TCEA3: variants seen among roughly 807,000 people sequenced by gnomAD.
TCEA3 encodes transcription elongation factor A3.
TCEA3 carries 36 observed loss-of-function variants against 44.0 expected under a neutral mutation model. The observed-to-expected ratio is 0.82, with a 90% CI of 0.63 to 1.08. The LOEUF is 1.08. TCEA3 is among the 50% of genes least tolerant of loss of function. The pLI, the probability that TCEA3 is intolerant of heterozygous loss-of-function variation, is 0.00. For synonymous variants in TCEA3, 162 were observed against 159.7 expected (o/e 1.01, Z -0.11); for missense variants, 392 against 441.2 (o/e 0.89, Z 1.00).
chr1:23,389,119 A>G (rs148898903), intron 8 of TCEA3, among the ~76,000 whole-genome samples: 105 of 152,318 alleles, frequency 6.9e-4, no homozygotes, highest in African/African-American at 2.5e-3. Flanking sequence ...AAAGCCATTT[A>G]CCCATATGAG....
Position 23,422,099 on chromosome 1 carries a change from G to A in TCEA3, c.69+2466C>T, listed in dbSNP as rs578036760. On this transcript the variant is annotated intron_variant, in intron 1 of 10. Coordinates refer to ENST00000450454, the MANE Select transcript of TCEA3 (RefSeq NM_003196.3). ...CTCCGGGCACAGCTGTGTCTATTTGGCTTTGTGGGATGACGCCTGTGTTAT... is the reference window on the plus strand; with the variant it reads ...CTCCGGGCACAGCTGTGTCTATTTGACTTTGTGGGATGACGCCTGTGTTAT... Among the ~76,000 whole-genome samples the A allele has an allele frequency of 2.6e-5, 4 of 152,338 alleles. No homozygotes were observed. In the South Asian group the frequency reaches 6.2e-4, roughly 24 times the overall value.
chr1:23,422,617 A>T (rs1439270475), intron 1 of TCEA3, among the ~76,000 whole-genome samples: 1 of 152,022 alleles, frequency 6.6e-6, no homozygotes, highest in Non-Finnish European at 1.5e-5. Context: ...AGACGCCCAG[A>T]GCTCCATGCC....
At chr1:23,412,277 A>G (rs891663797) in intron 4 of TCEA3, 1 of 152,050 alleles carries the variant, frequency 6.6e-6, no homozygotes, top group Non-Finnish European at 1.5e-5. Context: ...ATTTGCACCC[A>G]TAGTCCCAGC....
chr1:23,415,042 T>A (rs958791228), intron 4 of TCEA3, among the ~76,000 whole-genome samples: 8 of 53,922 alleles, frequency 1.5e-4, no homozygotes, highest in South Asian at 7.1e-4. Context: ...TTTTTTTTTT[T>A]AAACAGAGTC....
At chr1:23,423,783 G>T (rs1363361773) in intron 1 of TCEA3, 1 of 455,944 alleles carries the variant, frequency 2.2e-6, no homozygotes, top group African/African-American at 2.0e-5. Context: ...TCACGGGGAA[G>T]ATCAAACATT....
At chr1:23,408,780 A>G in intron 4 of TCEA3, 54 bp from the exon 5 acceptor site, 1 of 1,506,914 alleles carries the variant, frequency 6.6e-7, no homozygotes, top group Non-Finnish European at 9.0e-7. Context: ...ATCAGTACTG[A>G]CAGGAAGGTG....
intron 7 of TCEA3, 22 bp from the exon 8 acceptor site, chr1:23,394,055 C>T (rs746822934): frequency 2.5e-6 from 4 of 1,613,192 alleles, no homozygotes; most frequent in Non-Finnish European, 3.4e-6. Context: ...AAGGGCCGGC[C>T]AGCCATTCAT....
chr1:23,405,141 C>G (rs1410703833), intron 5 of TCEA3, among the ~76,000 whole-genome samples: 3 of 152,170 alleles, frequency 2.0e-5, no homozygotes, highest in Non-Finnish European at 4.4e-5. Context: ...CCACTAGTCA[C>G]CCCGTGTATG....
At chr1:23,394,331 G>A (rs1484325358) in intron 7 of TCEA3, among the ~76,000 whole-genome samples, 1 of 152,154 alleles carries the variant, frequency 6.6e-6, no homozygotes, top group Non-Finnish European at 1.5e-5. Flanking sequence ...GACCTCAGGT[G>A]AGTCACACAA....
At chr1:23,424,441 C>T in intron 1 of TCEA3, 124 bp downstream of exon 1, 1 of 826,258 alleles carries the variant, frequency 1.2e-6, no homozygotes, top group South Asian at 1.6e-5. Flanking sequence ...GCCGCTCCTC[C>T]CTCGGGTCCC....
chr1:23,384,530 A>G lies in TCEA3; in HGVS notation c.967-113T>C, dbSNP rs1373993554. On this transcript the variant is annotated intron_variant, in intron 9 of 10. Coordinates refer to ENST00000450454, the MANE Select transcript of TCEA3 (RefSeq NM_003196.3). Reference sequence around the variant, plus strand: ...CCCAGAGGTTGGCACTGAGATTCCCACCCCCCGCTGGCAATTTCCTTATCA... The same window carrying G: ...CCCAGAGGTTGGCACTGAGATTCCCGCCCCCCGCTGGCAATTTCCTTATCA... The G allele has an allele frequency of 4.6e-6, 5 of 1,075,574 alleles. No homozygotes were observed. In the East Asian group the frequency reaches 9.8e-5, roughly 21 times the overall value. The allele number at this position is 1,075,574 out of a possible 1,614,324, so 66.6% of individuals were successfully genotyped here.
At chr1:23,401,886 G>A (rs764593434) in intron 5 of TCEA3, among the ~76,000 whole-genome samples, 1 of 152,066 alleles carries the variant, frequency 6.6e-6, no homozygotes, top group African/African-American at 2.4e-5. Flanking sequence ...CGCTCCTTAC[G>A]AGAATCTAAT....
chr1:23,394,131 T>G (rs1176745031), intron 7 of TCEA3, 98 bp from the exon 8 acceptor site: 1 of 1,411,372 alleles, frequency 7.1e-7, no homozygotes, highest in East Asian at 2.4e-5. Context: ...TTTCTTCCTC[T>G]CCTCGGACTT....
chr1:23,415,830 A>C (rs1639872382), intron 4 of TCEA3, among the ~76,000 whole-genome samples: 1 of 152,206 alleles, frequency 6.6e-6, no homozygotes, highest in African/African-American at 2.4e-5. Flanking sequence ...AAATGTGACA[A>C]AACCATTTCA....
chr1:23,391,148 C>CTTTTTTTTTTTTT (rs59905045), intron 8 of TCEA3, among the ~76,000 whole-genome samples: 3 of 126,388 alleles, frequency 2.4e-5, no homozygotes, highest in East Asian at 2.3e-4. Context: ...TTCTTTCTTT[C>CTTTTTTTTTTTTT]TTTTTTTTTT....
intron 9 of TCEA3, among the ~76,000 whole-genome samples, chr1:23,385,118 C>G (rs1638794929): frequency 6.6e-6 from 1 of 152,176 alleles, no homozygotes; most frequent in Non-Finnish European, 1.5e-5. Context: ...CATTCAGGTG[C>G]AGGAACCGGG....
At chr1:23,423,985 G>C (rs1003340406) in intron 1 of TCEA3, 2 of 390,724 alleles carry the variant, frequency 5.1e-6, no homozygotes, top group African/African-American at 4.2e-5. Context: ...CGCACCCCAA[G>C]GCCAAGGAAA....
chr1:23,394,428 A>G (rs1313770672), intron 7 of TCEA3, among the ~76,000 whole-genome samples: 1 of 152,176 alleles, frequency 6.6e-6, no homozygotes, highest in Non-Finnish European at 1.5e-5. Context: ...TGTCTGGGAT[A>G]TATCAAATGC....
intron 3 of TCEA3, 91 bp downstream of exon 3, chr1:23,417,813 C>T: frequency 8.4e-7 from 1 of 1,190,312 alleles, no homozygotes; most frequent in African/African-American, 1.5e-5. Flanking sequence ...ACTCAACAGA[C>T]ATACACTGAG....
Sources: allele counts gnomAD v4.1 joint callset (sites outside exome capture counted in the v4.1 genomes callset), GRCh38; gene constraint gnomAD v4.1.1; transcripts MANE v1.5; gene names NCBI Gene and HGNC (gene_info 2026-07-23, HGNC 2026-07-21).